The following DACH2 variants were observed in gnomAD, a reference collection of about 807,000 sequenced individuals.
The protein encoded by DACH2 is dachshund homolog 2.
DACH2 carries 17 observed loss-of-function variants against 35.8 expected under a neutral mutation model. That is an observed-to-expected ratio of 0.48 (90% CI 0.33 to 0.71). The LOEUF is 0.71. DACH2 is among the 30% of genes least tolerant of loss of function. DACH2 has a pLI of 0.02. For synonymous variants in DACH2, 195 were observed against 177.3 expected, an observed-to-expected ratio of 1.10 and a Z score of -0.79; for missense variants, 469 against 472.7, an observed-to-expected ratio of 0.99 and a Z score of 0.07.
Position 86,180,176 on chromosome X carries a change from GTATATATATATATATA to G in DACH2, c.488+31084_488+31099del, listed in dbSNP as rs72366047. On this transcript the variant is annotated intron_variant, in intron 1 of 11. Transcript: ENST00000373125. ...TGTCCCCTAGCAACCATGCTAAACC[GTATATATATATATATA>G]TATATATATATATATGGTTCTTATA... is the stretch of plus-strand genomic sequence containing the variant. Among the ~76,000 whole-genome samples, 68 of 42,917 alleles carry G rather than the reference GTATATATATATATATA, an allele frequency of 1.6e-3. 1 individual carries two copies. Among genetic ancestry groups the G allele is most frequent in the Middle Eastern group, 0.036 (2 of 55 alleles). The allele number at this position is 42,917 out of a possible 115,157, so 37.3% of individuals were successfully genotyped here.
At chrX:86,747,378 T>A (rs2147267694) in intron 7 of DACH2, among the ~76,000 whole-genome samples, 1 of 111,714 alleles carries the variant, frequency 9.0e-6, no homozygotes, top group East Asian at 2.8e-4. Flanking sequence ...CAATGTTTTG[T>A]CGTTTTCAAA....
At chrX:86,537,584 C>G (rs983153177) in intron 3 of DACH2, among the ~76,000 whole-genome samples, 3 of 112,083 alleles carry the variant, frequency 2.7e-5, no homozygotes, top group Non-Finnish European at 5.6e-5. Flanking sequence ...TAAATTCCAT[C>G]TTTAAATCCT....
intron 1 of DACH2, among the ~76,000 whole-genome samples, chrX:86,194,452 A>G (rs1419097549): frequency 8.9e-6 from 1 of 112,012 alleles, no homozygotes; most frequent in Non-Finnish European, 1.9e-5. Context: ...GAAGGAGGGC[A>G]CTGAGAACGG....
At chrX:86,194,359 G>A (rs1199505149) in intron 1 of DACH2, among the ~76,000 whole-genome samples, 4 of 111,494 alleles carry the variant, frequency 3.6e-5, no homozygotes, top group African/African-American at 6.5e-5. Flanking sequence ...TGGATATTGG[G>A]GGCAAGATGG....
Position 86,274,471 on chromosome X carries a change from TTTTTGAGACGGAGTCTTTCTG to T in DACH2, c.489-102348_489-102328del, listed in dbSNP as rs1326205228. On this transcript the variant is annotated intron_variant, in intron 1 of 11. Coordinates refer to ENST00000373125, the MANE Select transcript of DACH2 (RefSeq NM_053281.3). ...AAATCCTTTTTTTTTTTTTCTTTTTTTTTTGAGACGGAGTCTTTCTGTTTTTTTTTTTTTTTTTTTTTGAGA... is the reference window on the plus strand; with the variant it reads ...AAATCCTTTTTTTTTTTTTCTTTTTTTTTTTTTTTTTTTTTTTTTTTGAGA... Among the ~76,000 whole-genome samples the T allele has an allele frequency of 1.9e-3, 48 of 25,121 alleles. 12 individuals are homozygous for T. The highest frequency in any genetic ancestry group is 0.011 in the African/African-American group (45 of 4,092). The allele number at this position is 25,121 out of a possible 115,157, so 21.8% of individuals were successfully genotyped here.
At chrX:86,785,419 C>T (rs1425408620) in intron 7 of DACH2, among the ~76,000 whole-genome samples, 2 of 111,742 alleles carry the variant, frequency 1.8e-5, no homozygotes, top group Non-Finnish European at 3.8e-5. Context: ...CCAATGTAGG[C>T]TTGACAGATG....
intron 6 of DACH2, among the ~76,000 whole-genome samples, chrX:86,731,913 A>T (rs2041536448): frequency 8.9e-6 from 1 of 112,385 alleles, no homozygotes; most frequent in African/African-American, 3.2e-5. Flanking sequence ...TTAGATGCAT[A>T]GGATATATCT....
At chrX:86,432,892 G>A (rs988157011) in intron 2 of DACH2, among the ~76,000 whole-genome samples, 1 of 111,853 alleles carries the variant, frequency 8.9e-6, no homozygotes, top group Non-Finnish European at 1.9e-5. Context: ...GACACAATTC[G>A]GCCACTGGAG....
intron 1 of DACH2, among the ~76,000 whole-genome samples, chrX:86,376,298 A>G (rs1187917312): frequency 9.1e-6 from 1 of 109,549 alleles, no homozygotes; most frequent in Non-Finnish European, 1.9e-5. Flanking sequence ...AATAAGCACA[A>G]CATTGATATT....
Position 86,515,871 on chromosome X carries a change from G to A in DACH2, c.640+1480G>A, listed in dbSNP as rs1013950552. On this transcript the variant is annotated intron_variant, in intron 3 of 11. Transcript: ENST00000373125. ...AAGGTAATGAAATGAAGGAATATCC[G>A]TTGCTACTGTCCAAAGGAGAAATAT... Among the ~76,000 whole-genome samples the A allele has an allele frequency of 6.2e-5, 7 of 112,438 alleles. No homozygotes were observed. The Admixed American group carries it at 6.6e-4, about 11-fold the overall frequency.
At chrX:86,338,205 A>G (rs1336768186) in intron 1 of DACH2, among the ~76,000 whole-genome samples, 1 of 111,693 alleles carries the variant, frequency 9.0e-6, no homozygotes, top group East Asian at 2.8e-4. Flanking sequence ...TCTGCTCTGG[A>G]CCAAGTGGAC....
intron 7 of DACH2, among the ~76,000 whole-genome samples, chrX:86,804,273 C>T (rs1432555759): frequency 8.1e-5 from 9 of 111,597 alleles, no homozygotes; most frequent in African/African-American, 2.6e-4. Flanking sequence ...GAGAAGCAAG[C>T]CTGTCTTGGC....
chrX:86,281,108 A>G (rs1158790629), intron 1 of DACH2, among the ~76,000 whole-genome samples: 3 of 111,385 alleles, frequency 2.7e-5, no homozygotes, highest in African/African-American at 6.5e-5. Context: ...CCTAACAGAT[A>G]TCTACAGAAC....
chrX:86,706,566 C>T (rs1395120644), intron 5 of DACH2, among the ~76,000 whole-genome samples: 1 of 109,601 alleles, frequency 9.1e-6, no homozygotes, highest in African/African-American at 3.3e-5. Flanking sequence ...TCATGTGGAA[C>T]ATTCACCAAG....
intron 1 of DACH2, among the ~76,000 whole-genome samples, chrX:86,229,767 T>G (rs915665247): frequency 9.2e-6 from 1 of 109,229 alleles, no homozygotes; most frequent in Non-Finnish European, 1.9e-5. Context: ...GATTTTCTGC[T>G]TGGTCATTGT....
chrX:86,725,556 G>T (rs772857450), intron 6 of DACH2, among the ~76,000 whole-genome samples: 1 of 111,262 alleles, frequency 9.0e-6, no homozygotes, highest in Non-Finnish European at 1.9e-5. Context: ...AATAGGCTGT[G>T]TCTGCCTGTT....
At position 86,572,971 on chromosome X, in the gene DACH2, C is replaced by T. The variant is rs764802492; in HGVS notation, c.640+58580C>T. Among the ~76,000 whole-genome samples, 45 of 111,435 alleles carry T rather than the reference C, an allele frequency of 4.0e-4. 1 individual carries two copies. Among genetic ancestry groups the T allele is most frequent in the African/African-American group, 2.9e-4 (9 of 30,719 alleles). Reference sequence around the variant, plus strand: ...AAAAGTACCAGGCAAGTGTAGCCTTCCTTATGTTTGCTAAATTTGATTTCT... The same window carrying T: ...AAAAGTACCAGGCAAGTGTAGCCTTTCTTATGTTTGCTAAATTTGATTTCT... On this transcript the variant is annotated intron_variant, in intron 3 of 11. Coordinates refer to ENST00000373125, the MANE Select transcript of DACH2 (RefSeq NM_053281.3).
At chrX:86,751,314 T>C (rs1474154236) in intron 7 of DACH2, among the ~76,000 whole-genome samples, 1 of 110,147 alleles carries the variant, frequency 9.1e-6, no homozygotes. Context: ...ACAAGATTGG[T>C]TCAACATATA....
At chrX:86,791,025 C>G (rs955580610) in intron 7 of DACH2, among the ~76,000 whole-genome samples, 1 of 111,340 alleles carries the variant, frequency 9.0e-6, no homozygotes, top group Non-Finnish European at 1.9e-5. Flanking sequence ...TTATAAGGAA[C>G]AGAGGATATA....
Sources: allele counts gnomAD v4.1 joint callset (sites outside exome capture counted in the v4.1 genomes callset), GRCh38; gene constraint gnomAD v4.1.1; transcripts MANE v1.5; gene names NCBI Gene and HGNC (gene_info 2026-07-23, HGNC 2026-07-21).